PSMG3: variants seen among roughly 807,000 people sequenced by gnomAD.
PSMG3 encodes the protein proteasome assembly chaperone 3, also known as PAC-3.
Under a neutral mutation model 7.9 loss-of-function variants are expected in PSMG3, and 4 were observed. The observed-to-expected ratio is 0.51, with a 90% CI of 0.25 to 1.16. The LOEUF is 1.16. PSMG3 is among the 50% of genes most tolerant of loss of function. The pLI is 0.15. For synonymous variants in PSMG3, 81 were observed against 69.8 expected, an observed-to-expected ratio of 1.16 and a Z score of -0.80; for missense variants, 151 against 157.4, an observed-to-expected ratio of 0.96 and a Z score of 0.22.
Position 1,568,995 on chromosome 7 carries a change from C to T in PSMG3, c.216+129G>A, listed in dbSNP as rs894881948. ...GTAGGCACTTGTTTTTTTGTAGTGA[C>T]TTGTGTGTGTGTTGTTGTGTTGCCC... is the stretch of plus-strand genomic sequence containing the variant. On this transcript the variant is annotated intron_variant, in intron 1 of 1. Transcript: ENST00000288607. The T allele has an allele frequency of 6.7e-5, 48 of 721,066 alleles. No individual in the cohort carries two copies. In the African/African-American group the frequency reaches 7.6e-4, roughly 11 times the overall value. The allele number at this position is 721,066 out of a possible 1,614,324, so 44.7% of individuals were successfully genotyped here. A position where few individuals can be genotyped will look rare whatever the true frequency, so the allele number is the denominator to read the frequency against.
chr7:1,569,487 G>A lies in PSMG3; in HGVS notation c.-148C>T, dbSNP rs148045668. On this transcript the variant is annotated 5_prime_UTR_variant, in exon 1 of 2. Transcript: ENST00000288607. ...CAAGGAGGCCCATTCAAAAGAAGGG[G>A]CCAGGCGCGGTGGCTCATGCCTGTC... is the stretch of plus-strand genomic sequence containing the variant. The A allele has an allele frequency of 6.1e-3, 4,062 of 665,650 alleles. 106 individuals are homozygous for A. In the African/African-American group the frequency reaches 0.063, roughly 10 times the overall value. 41.2% of individuals were successfully genotyped at this position (665,650 alleles called of 1,614,324 possible).
intron 1 of PSMG3, among the ~76,000 whole-genome samples, chr7:1,568,629 C>G (rs910134064): frequency 6.6e-6 from 1 of 151,678 alleles, no homozygotes; most frequent in African/African-American, 2.4e-5. Flanking sequence ...CTAGGCCCAG[C>G]TAATTTTTTG....
chr7:1,568,241 A>C (rs1390179540), intron 1 of PSMG3, among the ~76,000 whole-genome samples: 1 of 151,896 alleles, frequency 6.6e-6, no homozygotes, highest in Admixed American at 6.6e-5. Context: ...TCGAATGACA[A>C]AACTGCTGCT....
chr7:1,569,443 G>A lies in PSMG3; in HGVS notation c.-104C>T, dbSNP rs1284268414. Reference sequence around the variant, plus strand: ...TTGGGGCTCCCAAAAAAGTAGCACGGGGCATTGAAACGGAAACGCAAGGAG... The same window carrying A: ...TTGGGGCTCCCAAAAAAGTAGCACGAGGCATTGAAACGGAAACGCAAGGAG... On this transcript the variant is annotated 5_prime_UTR_variant, in exon 1 of 2. Transcript: ENST00000288607. The A allele has an allele frequency of 1.0e-6, 1 of 978,826 alleles. No individual in the cohort carries two copies. Among genetic ancestry groups the A allele is most frequent in the Non-Finnish European group, 1.5e-6 (1 of 680,146 alleles). The allele number at this position is 978,826 out of a possible 1,614,324, so 60.6% of individuals were successfully genotyped here. A position where few individuals can be genotyped will look rare whatever the true frequency, so the allele number is the denominator to read the frequency against.
chr7:1,569,275 TGGGTGGGGACCCC>T lies in PSMG3; in HGVS notation c.52_64del (p.Gly18ArgfsTer15). On this transcript the variant is annotated frameshift_variant, in exon 1 of 2. Transcript: ENST00000288607. LOFTEE classifies it high-confidence loss of function. ...ACTGCTGAAGGCCGTACACACCACC[TGGGTGGGGACCCC>T]GCACACCACCTCCGTCTTCTGCTTC... 6.2e-7 allele frequency: 1 copy of T among 1,613,532 alleles called. No homozygotes were observed. Among genetic ancestry groups the T allele is most frequent in the Non-Finnish European group, 8.5e-7 (1 of 1,180,004 alleles).
At chr7:1,568,069 C>A (rs1339459559) in intron 1 of PSMG3, among the ~76,000 whole-genome samples, 2 of 152,050 alleles carry the variant, frequency 1.3e-5, no homozygotes, top group African/African-American at 4.8e-5. Flanking sequence ...ATTTTCCCAG[C>A]GCCTTCCGCA....
In PSMG3 at chr7:1,569,111, C is replaced by A; in HGVS notation, c.216+13G>T. On this transcript the variant is annotated intron_variant, in intron 1 of 1. Transcript: ENST00000288607. ...ACAGGCGTGAGCCACAGTTCCCGGC[C>A]AATCCACTTTACCTCATCCTGCCCC... 8 of 1,611,698 alleles carry A rather than the reference C, an allele frequency of 5.0e-6. No homozygotes were observed. Among genetic ancestry groups the A allele is most frequent in the Non-Finnish European group, 5.1e-6 (6 of 1,178,800 alleles).
At chr7:1,568,828 C>T (rs1267164850) in intron 1 of PSMG3, among the ~76,000 whole-genome samples, 4 of 152,136 alleles carry the variant, frequency 2.6e-5, no homozygotes, top group Admixed American at 6.5e-5. Context: ...TTATATTTTT[C>T]GTAGAAATGG....
Position 1,567,743 on chromosome 7 carries a change from C to T in PSMG3, c.324G>A (p.Gly108=), listed in dbSNP as rs1361483358. 6.2e-7 allele frequency: 1 copy of T among 1,614,184 alleles called. No individual in the cohort carries two copies. The highest frequency in any genetic ancestry group is 8.5e-7 in the Non-Finnish European group (1 of 1,180,024). The change falls in exon 2 of 2, where the codon GGG becomes GGA. Residue 108 remains glycine (G), a synonymous_variant. Coordinates refer to ENST00000288607, the MANE Select transcript of PSMG3 (RefSeq NM_032302.4). ...GGATCACCTCCCTCAGCGCCTTCAG[C>T]CCCTCCATGCTTTTGTCCTTCACGG... The part of the protein sequence containing the change: ...AVAVKDKSME[G]LKALREVIRV...
intron 1 of PSMG3, among the ~76,000 whole-genome samples, chr7:1,568,283 G>A (rs1237869387): frequency 6.6e-6 from 1 of 151,868 alleles, no homozygotes; most frequent in Non-Finnish European, 1.5e-5. Flanking sequence ...ATGCCTGCGG[G>A]CTGGACAAAG....
In PSMG3 at chr7:1,569,575, T is replaced by G. The variant is rs1583241106; in HGVS notation, c.-236A>C. 3 of 280,008 alleles carry G rather than the reference T, an allele frequency of 1.1e-5. No individual in the cohort carries two copies. The highest frequency in any genetic ancestry group is 2.5e-5 in the African/African-American group (1 of 39,296). The allele number at this position is 280,008 out of a possible 1,614,324, so 17.3% of individuals were successfully genotyped here. ...TGAGGCCAGGAATTCGAGACCAGCC[T>G]GGCCAACATAGCGAGACCCCCATCT... On this transcript the variant is annotated 5_prime_UTR_variant, in exon 1 of 2. Coordinates refer to ENST00000288607, the MANE Select transcript of PSMG3 (RefSeq NM_032302.4).
chr7:1,569,380 G>A lies in PSMG3; in HGVS notation c.-41C>T, dbSNP rs532510440. Reference sequence around the variant, plus strand: ...TGGCAGCTTTAATTTAGGTTAAAAAGAAAGGGGAAAAAAAGGAGTCAATCA... The same window carrying A: ...TGGCAGCTTTAATTTAGGTTAAAAAAAAAGGGGAAAAAAAGGAGTCAATCA... On this transcript the variant is annotated 5_prime_UTR_variant, in exon 1 of 2. Transcript: ENST00000288607. 1.5e-5 allele frequency: 22 copies of A among 1,493,720 alleles called. No individual in the cohort carries two copies. The highest frequency in any genetic ancestry group is 2.4e-4 in the Middle Eastern group (1 of 4,132). 92.5% of individuals were successfully genotyped at this position (1,493,720 alleles called of 1,614,324 possible). A position where few individuals can be genotyped will look rare whatever the true frequency, so the allele number is the denominator to read the frequency against.
chr7:1,568,668 G>C (rs76803850), intron 1 of PSMG3, among the ~76,000 whole-genome samples: 2,603 of 150,310 alleles, frequency 0.017, 65 homozygotes, highest in African/African-American at 0.056. Flanking sequence ...TTTTTTTTAA[G>C]ACCAAGTCTC....
Position 1,569,605 on chromosome 7 carries a change from CAAAAAAAAA to C in PSMG3, c.-275_-267del. Reference sequence around the variant, plus strand: ...AACATAGCGAGACCCCCATCTCTACCAAAAAAAAAAAAAAAAAAAACCAGCAGGGCGCGC... The same window carrying C: ...AACATAGCGAGACCCCCATCTCTACCAAAAAAAAAAACCAGCAGGGCGCGC... On this transcript the variant is annotated 5_prime_UTR_variant, in exon 1 of 2. Coordinates refer to ENST00000288607, the MANE Select transcript of PSMG3 (RefSeq NM_032302.4). 1 of 101,376 alleles carries C rather than the reference CAAAAAAAAA, an allele frequency of 9.9e-6. No homozygotes were observed. The allele number at this position is 101,376 out of a possible 1,614,324, so 6.3% of individuals were successfully genotyped here. A position where few individuals can be genotyped will look rare whatever the true frequency, so the allele number is the denominator to read the frequency against.
rs1778792224 is a variant in PSMG3, at chr7:1,567,364, G to T, written c.*334C>A. On this transcript the variant is annotated 3_prime_UTR_variant, in exon 2 of 2. Coordinates refer to ENST00000288607, the MANE Select transcript of PSMG3 (RefSeq NM_032302.4). The stretch of plus-strand genomic sequence containing the variant: ...ATACACATTCGCTTTTAATAAAAAA[G>T]AAATTTCCTCCTACAATTGATCCTG... 1 of 227,970 alleles carries T rather than the reference G, an allele frequency of 4.4e-6. No individual in the cohort carries two copies. The highest frequency in any genetic ancestry group is 9.3e-5 in the East Asian group (1 of 10,764). The allele number at this position is 227,970 out of a possible 1,614,324, so 14.1% of individuals were successfully genotyped here. A position where few individuals can be genotyped will look rare whatever the true frequency, so the allele number is the denominator to read the frequency against.
At chr7:1,567,936 C>G (rs560230042) in intron 1 of PSMG3, 86 bp from the exon 2 acceptor site, 16 of 1,365,816 alleles carry the variant, frequency 1.2e-5, no homozygotes, top group Non-Finnish European at 1.5e-5. Context: ...CCTTAGGAAC[C>G]CAGGCAGGCT....
Position 1,569,415 on chromosome 7 carries a change from G to C in PSMG3, c.-76C>G. 1 of 1,239,312 alleles carries C rather than the reference G, an allele frequency of 8.1e-7. No individual in the cohort carries two copies. Among genetic ancestry groups the C allele is most frequent in the Non-Finnish European group, 1.1e-6 (1 of 909,466 alleles). The allele number at this position is 1,239,312 out of a possible 1,614,324, so 76.8% of individuals were successfully genotyped here. On this transcript the variant is annotated 5_prime_UTR_variant, in exon 1 of 2. Transcript: ENST00000288607. ...AAAAAGGAGTCAATCAAACAGTACA[G>C]CCTTGGGGCTCCCAAAAAAGTAGCA...
In PSMG3 at chr7:1,569,436, T is replaced by C; in HGVS notation, c.-97A>G. ...TACAGCCTTGGGGCTCCCAAAAAAG[T>C]AGCACGGGGCATTGAAACGGAAACG... is the stretch of plus-strand genomic sequence containing the variant. On this transcript the variant is annotated 5_prime_UTR_variant, in exon 1 of 2. Coordinates refer to ENST00000288607, the MANE Select transcript of PSMG3 (RefSeq NM_032302.4). 1 of 1,012,120 alleles carries C rather than the reference T, an allele frequency of 9.9e-7. No individual in the cohort carries two copies. The highest frequency in any genetic ancestry group is 1.4e-6 in the Non-Finnish European group (1 of 708,596). The allele number at this position is 1,012,120 out of a possible 1,614,324, so 62.7% of individuals were successfully genotyped here.
chr7:1,569,741 G>A lies in PSMG3; in HGVS notation c.-402C>T, dbSNP rs1210399402. ...GATCACACCATTGCATTACAACCCG[G>A]GCGGTAGAGCGAGACCCTGTCCGTA... On this transcript the variant is annotated 5_prime_UTR_variant, in exon 1 of 2. Coordinates refer to ENST00000288607, the MANE Select transcript of PSMG3 (RefSeq NM_032302.4). 6.0e-6 allele frequency: 1 copy of A among 166,670 alleles called. No individual in the cohort carries two copies. The highest frequency in any genetic ancestry group is 1.3e-5 in the Non-Finnish European group (1 of 76,840). The allele number at this position is 166,670 out of a possible 1,614,324, so 10.3% of individuals were successfully genotyped here.
Sources: allele counts gnomAD v4.1 joint callset (sites outside exome capture counted in the v4.1 genomes callset), GRCh38; gene constraint gnomAD v4.1.1; transcripts MANE v1.5; gene names NCBI Gene and HGNC (gene_info 2026-07-23, HGNC 2026-07-21).